Variants in NLGN1 observed in about 807,000 individuals in gnomAD.
NLGN1 encodes neuroligin-1.
Under a neutral mutation model 65.5 loss-of-function variants are expected in NLGN1, and 12 were observed. The ratio of observed to expected loss-of-function variants is 0.18; its 90% CI spans 0.12 to 0.30. NLGN1 has a LOEUF of 0.30. Among genes scored for constraint, NLGN1 ranks in the 10% least tolerant of loss-of-function variants. The pLI, the probability that NLGN1 is intolerant of heterozygous loss-of-function variation, is 1.00. For missense variants in NLGN1, 750 were observed against 1,007.1 expected (o/e 0.74, Z 3.46); for synonymous variants, 350 against 359.5 (o/e 0.97, Z 0.30).
chr3:173,596,359 TAAG>T (rs781768886), intron 2 of NLGN1, among the ~76,000 whole-genome samples: 8 of 152,212 alleles, frequency 5.3e-5, no homozygotes, highest in Non-Finnish European at 1.2e-4. Flanking sequence ...TGGGCAAAAT[TAAG>T]AAGGAGGCAG....
intron 4 of NLGN1, among the ~76,000 whole-genome samples, chr3:174,152,490 G>A (rs572045006): frequency 2.8e-4 from 42 of 152,046 alleles, no homozygotes; most frequent in African/African-American, 5.8e-4. Flanking sequence ...ACACCAGGGC[G>A]TGTTGTGGGG....
chr3:173,548,382 G>A lies in NLGN1; in HGVS notation c.-320-55897G>A, dbSNP rs564287420. Among the ~76,000 whole-genome samples, 16 of 152,110 alleles carry A rather than the reference G, an allele frequency of 1.1e-4. No homozygotes were observed. The East Asian group carries it at 1.4e-3, about 13-fold the overall frequency. On this transcript the variant is annotated intron_variant, in intron 2 of 6. Transcript: ENST00000457714. ...TATAGATCAGCCAGACTTTTAAATCGTGTATGCCTTACTATAATGAAAAAG... is the reference window on the plus strand; with the variant it reads ...TATAGATCAGCCAGACTTTTAAATCATGTATGCCTTACTATAATGAAAAAG...
At chr3:174,032,780 G>C (rs1051887149) in intron 4 of NLGN1, among the ~76,000 whole-genome samples, 5 of 152,128 alleles carry the variant, frequency 3.3e-5, no homozygotes, top group African/African-American at 1.2e-4. Flanking sequence ...AGGAGGGCCA[G>C]CTCTCCAGGG....
intron 4 of NLGN1, among the ~76,000 whole-genome samples, chr3:174,177,857 T>C (rs114928167): frequency 1.0e-3 from 159 of 152,198 alleles, no homozygotes; most frequent in African/African-American, 3.7e-3. Context: ...GAATTAGTCT[T>C]TCACCATAAT....
chr3:173,589,387 C>G (rs1259506926), intron 2 of NLGN1, among the ~76,000 whole-genome samples: 2 of 151,980 alleles, frequency 1.3e-5, no homozygotes, highest in African/African-American at 4.8e-5. Context: ...TTTGGAGGTG[C>G]TGTAGGTGGT....
chr3:173,758,220 T>C (rs979367619), intron 3 of NLGN1, among the ~76,000 whole-genome samples: 1 of 152,012 alleles, frequency 6.6e-6, no homozygotes, highest in Admixed American at 6.6e-5. Context: ...CCTCATCAGA[T>C]ATGGAATCAG....
chr3:173,763,320 C>G (rs1180864112), intron 3 of NLGN1, among the ~76,000 whole-genome samples: 1 of 151,972 alleles, frequency 6.6e-6, no homozygotes, highest in East Asian at 1.9e-4. Context: ...ATTCTCTTGT[C>G]TAATTGAATT....
At chr3:173,834,519 A>G (rs920405931) in intron 4 of NLGN1, among the ~76,000 whole-genome samples, 1 of 152,192 alleles carries the variant, frequency 6.6e-6, no homozygotes, top group African/African-American at 2.4e-5. Context: ...CTTATTGGTT[A>G]AGTGAATTTT....
intron 4 of NLGN1, among the ~76,000 whole-genome samples, chr3:174,031,476 CA>C (rs1410326436): frequency 1.4e-4 from 21 of 151,956 alleles, no homozygotes; most frequent in Non-Finnish European, 1.8e-4. Flanking sequence ...AAAACATCAA[CA>C]AATAAGAAAG....
intron 4 of NLGN1, among the ~76,000 whole-genome samples, chr3:174,138,433 CTTTTT>C (rs58713208): frequency 7.5e-6 from 1 of 132,562 alleles, no homozygotes; most frequent in Non-Finnish European, 1.6e-5. Context: ...TTCTACTATT[CTTTTT>C]TTTTTTTTTT....
intron 3 of NLGN1, among the ~76,000 whole-genome samples, chr3:173,670,522 T>G (rs1762313364): frequency 6.6e-6 from 1 of 151,966 alleles, no homozygotes; most frequent in Admixed American, 6.6e-5. Flanking sequence ...TTATTGGTGG[T>G]TTTTTTTCAG....
chr3:173,989,940 G>A (rs991224534), intron 4 of NLGN1, among the ~76,000 whole-genome samples: 1 of 152,058 alleles, frequency 6.6e-6, no homozygotes, highest in Non-Finnish European at 1.5e-5. Context: ...TTCTCTGTGG[G>A]CATACCTGGA....
chr3:173,420,480 T>C (rs1714825499), intron 1 of NLGN1, among the ~76,000 whole-genome samples: 1 of 152,196 alleles, frequency 6.6e-6, no homozygotes, highest in Non-Finnish European at 1.5e-5. Context: ...TCTATCATTG[T>C]TGGACATTTG....
chr3:174,082,668 T>A (rs144724968), intron 4 of NLGN1, among the ~76,000 whole-genome samples: 171 of 152,140 alleles, frequency 1.1e-3, no homozygotes, highest in African/African-American at 4.0e-3. Flanking sequence ...TAAGAAAATA[T>A]ATAAACATAT....
At chr3:173,699,346 C>T (rs1331670144) in intron 3 of NLGN1, among the ~76,000 whole-genome samples, 1 of 152,180 alleles carries the variant, frequency 6.6e-6, no homozygotes, top group African/African-American at 2.4e-5. Context: ...CCAAAATCAA[C>T]TTGACGTTAA....
At chr3:173,884,572 G>C (rs911099278) in intron 4 of NLGN1, among the ~76,000 whole-genome samples, 2 of 152,070 alleles carry the variant, frequency 1.3e-5, no homozygotes, top group African/African-American at 4.8e-5. Context: ...TTTGAGATTA[G>C]TTGAAATTTT....
intron 4 of NLGN1, among the ~76,000 whole-genome samples, chr3:174,258,381 C>A (rs1402962972): frequency 6.6e-6 from 1 of 151,996 alleles, no homozygotes; most frequent in Non-Finnish European, 1.5e-5. Context: ...AATAATAAAA[C>A]AAATGATAAC....
intron 4 of NLGN1, among the ~76,000 whole-genome samples, chr3:174,111,696 A>T (rs1461522130): frequency 1.3e-5 from 2 of 151,944 alleles, no homozygotes; most frequent in African/African-American, 4.8e-5. Flanking sequence ...TGGTAATTAC[A>T]CTTGGTAGGG....
intron 4 of NLGN1, among the ~76,000 whole-genome samples, chr3:173,969,242 G>T (rs80266614): frequency 1.3e-5 from 2 of 152,062 alleles, no homozygotes; most frequent in Middle Eastern, 3.4e-3. Context: ...AAGGCCATAA[G>T]GACAATATGC....
Sources: allele counts gnomAD v4.1 joint callset (sites outside exome capture counted in the v4.1 genomes callset), GRCh38; gene constraint gnomAD v4.1.1; transcripts MANE v1.5; gene names NCBI Gene and HGNC (gene_info 2026-07-23, HGNC 2026-07-21).